The following EMSY variants were observed in gnomAD, a reference collection of about 807,000 sequenced individuals.
EMSY encodes the protein BRCA2-interacting transcriptional repressor EMSY.
EMSY carries 26 observed loss-of-function variants against 134.6 expected under a neutral mutation model. The observed-to-expected ratio is 0.19, with a 90% confidence interval of 0.14 to 0.27. The LOEUF (loss-of-function observed/expected upper bound fraction) is 0.27, where lower values mean the gene tolerates loss of function less well. EMSY is among the 10% of genes least tolerant of loss of function. The probability of loss-of-function intolerance (pLI) is 1.00; values close to 1 mark genes in which losing one functional copy is unlikely to be tolerated. For missense variants in EMSY, 1,305 were observed against 1,611.4 expected (o/e 0.81, Z 3.26); for synonymous variants, 579 against 577.8 (o/e 1.00, Z -0.03).
chr11:76,487,202 C>A lies in EMSY; in HGVS notation c.1109-9013C>A, dbSNP rs932247099. On this transcript the variant is annotated intron_variant, in intron 8 of 20. Coordinates refer to ENST00000334736, the Ensembl canonical transcript of EMSY. ...GGCTGAGGCAGGAGAATGGCATGAA[C>A]CCGGGAGGCGGAGCTTGCAGTGAGC... Among the ~76,000 whole-genome samples, 34 of 152,318 alleles carry A rather than the reference C, an allele frequency of 2.2e-4. 1 individual carries two copies. In the East Asian group the frequency reaches 2.9e-3, roughly 13 times the overall value.
chr11:76,490,399 G>GA (rs1949371732), intron 8 of EMSY, among the ~76,000 whole-genome samples: 2 of 152,146 alleles, frequency 1.3e-5, no homozygotes, highest in South Asian at 4.1e-4. Context: ...AATAAAAAAT[G>GA]TCTCCAGTGA....
chr11:76,485,512 A>G (rs919605470), intron 8 of EMSY, among the ~76,000 whole-genome samples: 1 of 152,108 alleles, frequency 6.6e-6, no homozygotes, highest in Non-Finnish European at 1.5e-5. Flanking sequence ...CATGCTTGAA[A>G]CTCTCAATAA....
At chr11:76,540,040 A>G (rs1356062200) in intron 17 of EMSY, among the ~76,000 whole-genome samples, 1 of 152,142 alleles carries the variant, frequency 6.6e-6, no homozygotes, top group East Asian at 1.9e-4. Flanking sequence ...AGTGGGTACT[A>G]GTTCTCTCTA....
At chr11:76,545,299 T>C (rs1026121414) in intron 19 of EMSY, among the ~76,000 whole-genome samples, 1 of 152,136 alleles carries the variant, frequency 6.6e-6, no homozygotes, top group Non-Finnish European at 1.5e-5. Flanking sequence ...TACAGAGGAA[T>C]TATTGGTGGA....
At chr11:76,544,444 A>G (rs1951564620) in exon 19 of EMSY, 2 of 1,614,106 alleles carry the variant, frequency 1.2e-6, no homozygotes, top group South Asian at 1.1e-5. Flanking sequence ...CTCAGCTGCA[A>G]GTGAAAACTC....
At chr11:76,549,975 T>A in exon 21 of EMSY, 1 of 1,613,348 alleles carries the variant, frequency 6.2e-7, no homozygotes, top group Non-Finnish European at 8.5e-7. Context: ...ATGCTATTCC[T>A]TGTCACTCCA....
intron 8 of EMSY, among the ~76,000 whole-genome samples, chr11:76,480,634 C>T (rs1323292512): frequency 6.6e-6 from 1 of 151,954 alleles, no homozygotes; most frequent in East Asian, 1.9e-4. Context: ...GCAAGGTAGC[C>T]GAATAGGAAC....
intron 12 of EMSY, among the ~76,000 whole-genome samples, chr11:76,524,541 A>G (rs563703627): frequency 1.3e-5 from 2 of 149,372 alleles, no homozygotes; most frequent in Admixed American, 1.3e-4. Flanking sequence ...TAGAATTCAG[A>G]TTTTCAGAAC....
intron 4 of EMSY, among the ~76,000 whole-genome samples, chr11:76,456,810 A>C (rs1225217600): frequency 6.6e-6 from 1 of 152,182 alleles, no homozygotes; most frequent in Non-Finnish European, 1.5e-5. Context: ...TAAATCCTTA[A>C]ATTGTAAAAG....
At chr11:76,544,384 G>A (rs1951562056) in exon 19 of EMSY, 1 of 1,614,156 alleles carries the variant, frequency 6.2e-7, no homozygotes, top group African/African-American at 1.3e-5. Context: ...CCCTGACTCA[G>A]TCACAGTCAG....
chr11:76,456,316 C>A (rs1173379520), intron 4 of EMSY, among the ~76,000 whole-genome samples: 1 of 152,144 alleles, frequency 6.6e-6, no homozygotes, highest in African/African-American at 2.4e-5. Flanking sequence ...ATTTATAGAT[C>A]TTTCTAAAAG....
chr11:76,503,998 C>T (rs528358981), intron 9 of EMSY, among the ~76,000 whole-genome samples: 10 of 150,986 alleles, frequency 6.6e-5, no homozygotes, highest in East Asian at 5.9e-4. Flanking sequence ...GTTGGCCAAG[C>T]TGGTCTCAAA....
chr11:76,498,351 T>C (rs1176973170), intron 9 of EMSY, among the ~76,000 whole-genome samples: 2 of 152,212 alleles, frequency 1.3e-5, no homozygotes, highest in Non-Finnish European at 2.9e-5. Flanking sequence ...TGGTTGATTA[T>C]GTTGTTCAGT....
chr11:76,552,421 A>G (rs1272149596), downstream of EMSY: 2 of 152,226 alleles, frequency 1.3e-5, no homozygotes, highest in South Asian at 2.1e-4. Flanking sequence ...TTAGCATTAT[A>G]TCTATTAGTA....
chr11:76,454,618 T>G (rs906598973), intron 4 of EMSY, 131 bp from the exon 5 acceptor site: 1 of 548,478 alleles, frequency 1.8e-6, no homozygotes, highest in Non-Finnish European at 3.1e-6. Flanking sequence ...TCAGAGGCAC[T>G]TAGAAACAAA....
intron 9 of EMSY, among the ~76,000 whole-genome samples, chr11:76,503,780 C>T (rs1041255449): frequency 6.6e-6 from 1 of 151,898 alleles, no homozygotes; most frequent in Non-Finnish European, 1.5e-5. Context: ...CTGCTGTATT[C>T]AATTTAATTT....
At chr11:76,518,755 T>C (rs2042910763) in intron 11 of EMSY, among the ~76,000 whole-genome samples, 1 of 147,502 alleles carries the variant, frequency 6.8e-6, no homozygotes, top group Non-Finnish European at 1.5e-5. Context: ...GTATTTCCTA[T>C]AGTAATGTTA....
At chr11:76,542,144 G>A (rs1355064300) in intron 17 of EMSY, 72 bp from the exon 19 acceptor site, 2 of 1,561,606 alleles carry the variant, frequency 1.3e-6, no homozygotes, top group African/African-American at 1.4e-5. Flanking sequence ...ACAGACATTT[G>A]TTTAAAATGA....
At chr11:76,494,753 C>A (rs1219944071) in intron 8 of EMSY, among the ~76,000 whole-genome samples, 1 of 139,442 alleles carries the variant, frequency 7.2e-6, no homozygotes, top group Non-Finnish European at 1.5e-5. Flanking sequence ...CCTTCCTTTC[C>A]TTCCTTTCCT....
Sources: allele counts gnomAD v4.1 joint callset (sites outside exome capture counted in the v4.1 genomes callset), GRCh38; gene constraint gnomAD v4.1.1; transcripts MANE v1.5; gene names NCBI Gene and HGNC (gene_info 2026-07-23, HGNC 2026-07-21).